Variants in TSNARE1 observed in about 807,000 individuals in gnomAD.
TSNARE1 encodes t-SNARE domain containing 1, also known as t-SNARE domain-containing protein 1.
A neutral mutation model predicts 62.0 loss-of-function variants in TSNARE1; 49 were observed. The observed-to-expected ratio is 0.79, with a 90% CI of 0.63 to 1.00. The LOEUF (loss-of-function observed/expected upper bound fraction) is 1.00. Ranked by LOEUF, TSNARE1 falls within the 50% of genes least tolerant of loss-of-function variation. The probability of loss-of-function intolerance (pLI) is 0.00; values close to 1 mark genes in which losing one functional copy is unlikely to be tolerated. For synonymous variants in TSNARE1, 328 were observed against 294.4 expected, an observed-to-expected ratio of 1.11 and a Z score of -1.17; for missense variants, 755 against 700.1, an observed-to-expected ratio of 1.08 and a Z score of -0.88.
intron 6 of TSNARE1, among the ~76,000 whole-genome samples, chr8:142,320,065 T>TAA: frequency 6.6e-6 from 1 of 151,736 alleles, no homozygotes; most frequent in Non-Finnish European, 1.5e-5. Flanking sequence ...CTCCCACCAG[T>TAA]CCCCTCCTCA....
At chr8:142,317,822 G>C (rs938907402) in intron 7 of TSNARE1, among the ~76,000 whole-genome samples, 3 of 152,202 alleles carry the variant, frequency 2.0e-5, no homozygotes, top group Admixed American at 1.3e-4. Flanking sequence ...GCTGGGCATG[G>C]TGACGGGCGC....
chr8:142,372,284 G>C (rs919839955), intron 1 of TSNARE1, among the ~76,000 whole-genome samples: 4 of 152,198 alleles, frequency 2.6e-5, no homozygotes, highest in Non-Finnish European at 5.9e-5. Context: ...CAGCTCCTGG[G>C]ACCTGGCATC....
chr8:142,233,996 C>T (rs1360164944), intron 12 of TSNARE1, among the ~76,000 whole-genome samples: 1 of 152,216 alleles, frequency 6.6e-6, no homozygotes, highest in East Asian at 1.9e-4. Context: ...TGAGGTGTGG[C>T]CACCCTAGCC....
intron 10 of TSNARE1, among the ~76,000 whole-genome samples, chr8:142,285,971 T>C (rs1427067740): frequency 1.3e-5 from 2 of 152,132 alleles, no homozygotes; most frequent in Admixed American, 6.5e-5. Context: ...AGAGCAGGGA[T>C]TGGGGGCTCA....
intron 4 of TSNARE1, among the ~76,000 whole-genome samples, chr8:142,342,805 G>A (rs969960996): frequency 3.3e-5 from 5 of 150,026 alleles, no homozygotes; most frequent in African/African-American, 7.4e-5. Context: ...CCATGCCTAC[G>A]CCCAGCACCT....
At chr8:142,301,814 G>A (rs1825832029) in intron 9 of TSNARE1, among the ~76,000 whole-genome samples, 2 of 152,114 alleles carry the variant, frequency 1.3e-5, no homozygotes, top group Admixed American at 1.3e-4. Context: ...CTGCAGGGAG[G>A]AGCCAGGGCC....
At chr8:142,402,347 C>T (rs1253639420) in intron 1 of TSNARE1, among the ~76,000 whole-genome samples, 1 of 152,216 alleles carries the variant, frequency 6.6e-6, no homozygotes, top group African/African-American at 2.4e-5. Context: ...TACTGAGTGT[C>T]GGACATGTGA....
At chr8:142,354,471 G>A (rs1199449598) in intron 2 of TSNARE1, among the ~76,000 whole-genome samples, 166 bp downstream of exon 2, 2 of 152,088 alleles carry the variant, frequency 1.3e-5, no homozygotes, top group Non-Finnish European at 2.9e-5. Context: ...CCTTTCCAGG[G>A]GCCTGAATGG....
intron 1 of TSNARE1, among the ~76,000 whole-genome samples, chr8:142,361,529 G>A (rs1444959024): frequency 1.3e-5 from 2 of 152,220 alleles, no homozygotes; most frequent in Non-Finnish European, 2.9e-5. Flanking sequence ...AGGGGCCAGG[G>A]CACGGGCGAC....
intron 13 of TSNARE1, among the ~76,000 whole-genome samples, chr8:142,225,236 G>A (rs1194462907): frequency 2.7e-5 from 4 of 146,254 alleles, no homozygotes; most frequent in Non-Finnish European, 5.9e-5. Flanking sequence ...GCCTGCCCTT[G>A]GAATACTCCA....
intron 5 of TSNARE1, 110 bp downstream of exon 5, chr8:142,331,644 C>A: frequency 1.8e-6 from 2 of 1,083,320 alleles, no homozygotes; most frequent in South Asian, 2.8e-5. Flanking sequence ...GGGACTGCAC[C>A]GCAGGATGGC....
At chr8:142,353,099 C>T (rs1047216269) in intron 2 of TSNARE1, among the ~76,000 whole-genome samples, 2 of 152,124 alleles carry the variant, frequency 1.3e-5, no homozygotes, top group Non-Finnish European at 2.9e-5. Flanking sequence ...TCAGGTCTCC[C>T]GGGGCTGCCT....
intron 12 of TSNARE1, among the ~76,000 whole-genome samples, chr8:142,272,143 C>T (rs1819636545): frequency 7.8e-6 from 1 of 127,546 alleles, no homozygotes; most frequent in Non-Finnish European, 1.6e-5. Context: ...ACCTCCTCTT[C>T]CTTCTATTCA....
intron 1 of TSNARE1, among the ~76,000 whole-genome samples, chr8:142,380,688 G>A (rs1836674496): frequency 6.6e-6 from 1 of 152,164 alleles, no homozygotes; most frequent in South Asian, 2.1e-4. Context: ...AAGCTGTGTG[G>A]TGAGGCTGAA....
intron 11 of TSNARE1, chr8:142,278,709 G>C: frequency 1.0e-6 from 1 of 985,472 alleles, no homozygotes; most frequent in Non-Finnish European, 1.2e-6. Context: ...GCTTCCGGTG[G>C]TCCCTGGAGT....
chr8:142,403,683 G>A (rs1838475217), upstream of TSNARE1: 4 of 152,228 alleles, frequency 2.6e-5, no homozygotes, highest in Admixed American at 2.6e-4. Context: ...GGCCCCGCGG[G>A]GACTCCGGAC....
At chr8:142,271,028 GGGGAAAGACTGGA>G in intron 12 of TSNARE1, 1 of 985,802 alleles carries the variant, frequency 1.0e-6, no homozygotes, top group Non-Finnish European at 1.2e-6. Flanking sequence ...GGACTCAGCA[GGGGAAAGACTGGA>G]GGCCCTGCTC....
At chr8:142,381,003 A>T (rs1231557544) in intron 1 of TSNARE1, among the ~76,000 whole-genome samples, 5 of 152,232 alleles carry the variant, frequency 3.3e-5, no homozygotes, top group Non-Finnish European at 7.3e-5. Context: ...CATCACCCAC[A>T]GCAAGTCCCT....
intron 1 of TSNARE1, among the ~76,000 whole-genome samples, chr8:142,397,518 G>A (rs1475343806): frequency 3.3e-5 from 5 of 152,192 alleles, no homozygotes; most frequent in Non-Finnish European, 7.4e-5. Flanking sequence ...TGGCAATGCT[G>A]TGTCCCTACC....
Sources: allele counts gnomAD v4.1 joint callset (sites outside exome capture counted in the v4.1 genomes callset), GRCh38; gene constraint gnomAD v4.1.1; transcripts MANE v1.5; gene names NCBI Gene and HGNC (gene_info 2026-07-23, HGNC 2026-07-21).